GPR89B: variants seen among roughly 807,000 people sequenced by gnomAD.
GPR89B encodes G protein-coupled receptor 89B.
Under a neutral mutation model 52.4 loss-of-function variants are expected in GPR89B, and 25 were observed. The observed-to-expected ratio is 0.48, with a 90% confidence interval of 0.35 to 0.67. The LOEUF (loss-of-function observed/expected upper bound fraction) is 0.67. Ranked by LOEUF, GPR89B falls within the 30% of genes least tolerant of loss-of-function variation. GPR89B has a pLI of 0.01. For missense variants in GPR89B, 146 were observed against 450.2 expected (o/e 0.32, Z 6.11); for synonymous variants, 52 against 151.2 (o/e 0.34, Z 4.81).
intron 10 of GPR89B, among the ~76,000 whole-genome samples, chr1:147,975,358 A>G (rs1402101177): frequency 7.0e-6 from 1 of 143,636 alleles, no homozygotes; most frequent in South Asian, 2.4e-4. Context: ...TTATGGGTCT[A>G]TTCAGGGATT....
chr1:148,021,195 A>C, the GPR89B span, among the ~76,000 whole-genome samples: 2 of 151,562 alleles, frequency 1.3e-5, no homozygotes, highest in African/African-American at 4.9e-5. Context: ...CTCGCGATGG[A>C]GTGCGGCTCA....
intron 7 of GPR89B, among the ~76,000 whole-genome samples, chr1:147,956,952 T>C (rs1656163914): frequency 6.6e-6 from 1 of 151,926 alleles, no homozygotes; most frequent in Non-Finnish European, 1.5e-5. Context: ...TGGACCAGGC[T>C]GGTCTCAAAC....
intron 7 of GPR89B, among the ~76,000 whole-genome samples, chr1:147,963,534 A>C (rs1247429095): frequency 1.3e-5 from 2 of 152,116 alleles, no homozygotes; most frequent in African/African-American, 4.8e-5. Context: ...AATAAGCAAA[A>C]ATGATGAACA....
At chr1:147,950,166 C>T (rs1188718663) in intron 5 of GPR89B, among the ~76,000 whole-genome samples, 2 of 149,830 alleles carry the variant, frequency 1.3e-5, no homozygotes, top group African/African-American at 2.5e-5. Flanking sequence ...AGGGGCTCCT[C>T]ACTTCTCATA....
At chr1:148,000,775 TAAA>T in the GPR89B span, among the ~76,000 whole-genome samples, 6 of 72,538 alleles carry the variant, frequency 8.3e-5, no homozygotes, top group Admixed American at 1.5e-4. Flanking sequence ...GTGTTAAAAG[TAAA>T]AAAAAAAAAA....
rs1280010441 is a variant in GPR89B at position 147,950,190 on chromosome 1, A to G, written c.416-3155A>G. On this transcript the variant is annotated intron_variant, in intron 5 of 13. Coordinates refer to ENST00000314163, the MANE Select transcript of GPR89B (RefSeq NM_016334.5). ...TCACTTCTCATATGGGGCGGTTGCC[A>G]GGCGGAGGGTCTCCTCACTTCTCAG... Among the ~76,000 whole-genome samples the G allele has an allele frequency of 3.8e-4, 55 of 144,350 alleles. 1 individual carries two copies. In the East Asian group the frequency reaches 0.01, roughly 26 times the overall value. The allele number at this position is 144,350 out of a possible 152,430, so 94.7% of individuals were successfully genotyped here. A position where few individuals can be genotyped will look rare whatever the true frequency, so the allele number is the denominator to read the frequency against.
At chr1:147,937,426 G>C in intron 2 of GPR89B, among the ~76,000 whole-genome samples, 1 of 152,172 alleles carries the variant, frequency 6.6e-6, no homozygotes, top group Non-Finnish European at 1.5e-5. Flanking sequence ...TAGGGTTCGA[G>C]AGCAGACAAC....
intron 12 of GPR89B, among the ~76,000 whole-genome samples, chr1:147,991,674 CA>C (rs1349568012): frequency 1.3e-5 from 2 of 152,148 alleles, no homozygotes; most frequent in African/African-American, 4.8e-5. Flanking sequence ...TGAATTTTGT[CA>C]AAGGCCTTTT....
intron 10 of GPR89B, among the ~76,000 whole-genome samples, chr1:147,975,885 C>T (rs1411069098): frequency 6.6e-6 from 1 of 152,040 alleles, no homozygotes; most frequent in African/African-American, 2.4e-5. Flanking sequence ...CAAATAACTT[C>T]TTGATTTCTG....
intron 1 of GPR89B, among the ~76,000 whole-genome samples, chr1:147,932,071 C>T (rs1193121769): frequency 1.3e-5 from 2 of 151,868 alleles, no homozygotes; most frequent in South Asian, 2.1e-4. Flanking sequence ...TCATAGCAAT[C>T]TTGGTGATTT....
At chr1:148,009,193 G>A in the GPR89B span, 1 of 640,968 alleles carries the variant, frequency 1.6e-6, no homozygotes, top group Non-Finnish European at 2.8e-6. Flanking sequence ...GGGAGGGAGT[G>A]AGAGACGGAG....
At chr1:147,933,107 C>T (rs6593839) in intron 1 of GPR89B, among the ~76,000 whole-genome samples, 3 of 152,068 alleles carry the variant, frequency 2.0e-5, no homozygotes, top group African/African-American at 7.3e-5. Flanking sequence ...ATTATCAGTT[C>T]ATCCTCTAGT....
chr1:148,005,901 T>C, the GPR89B span, among the ~76,000 whole-genome samples: 4 of 152,098 alleles, frequency 2.6e-5, no homozygotes, highest in African/African-American at 9.7e-5. Flanking sequence ...GCCTGCCTTG[T>C]CCTTTGGTTT....
At chr1:147,941,855 A>G (rs1485887245) in intron 3 of GPR89B, among the ~76,000 whole-genome samples, 1 of 152,024 alleles carries the variant, frequency 6.6e-6, no homozygotes, top group African/African-American at 2.4e-5. Flanking sequence ...GCTTGGCCCA[A>G]TATTTTACCT....
chr1:148,024,798 G>T, the GPR89B span: 1 of 151,890 alleles, frequency 6.6e-6, no homozygotes, highest in South Asian at 2.1e-4. Flanking sequence ...AGGGGATGTA[G>T]AAATGGGGAC....
chr1:147,932,882 T>G (rs190903876), intron 1 of GPR89B, among the ~76,000 whole-genome samples: 3,868 of 152,146 alleles, frequency 0.025, 71 homozygotes, highest in Non-Finnish European at 0.038. Context: ...AAAGCACAGA[T>G]TTTGGAGTCA....
At chr1:147,975,757 G>T (rs1374777510) in intron 10 of GPR89B, among the ~76,000 whole-genome samples, 1 of 151,964 alleles carries the variant, frequency 6.6e-6, no homozygotes. Flanking sequence ...TTAGGGTGTC[G>T]ATTTGAGATC....
chr1:147,981,146 G>A (rs1658216526), intron 10 of GPR89B, among the ~76,000 whole-genome samples: 1 of 149,826 alleles, frequency 6.7e-6, no homozygotes, highest in East Asian at 2.0e-4. Context: ...ATGTTTTTAA[G>A]GTACATCCAT....
chr1:148,003,371 A>G, the GPR89B span, among the ~76,000 whole-genome samples: 1 of 151,890 alleles, frequency 6.6e-6, no homozygotes, highest in South Asian at 2.1e-4. Flanking sequence ...GGTGTGCTAT[A>G]CTGGCTCACA....
Sources: gnomAD v4.1 joint callset for allele counts (sites outside exome capture counted in the v4.1 genomes callset) on GRCh38, gnomAD v4.1.1 for gene constraint, MANE v1.5 for transcripts, NCBI Gene and HGNC (gene_info 2026-07-23, HGNC 2026-07-21) for gene names.